Variants in AGBL1 observed in about 807,000 individuals in gnomAD.
AGBL1 encodes cytosolic carboxypeptidase 4.
In AGBL1, 130 loss-of-function variants were observed where a neutral mutation model predicts 118.9. The ratio of observed to expected loss-of-function variants is 1.09; its 90% CI spans 0.95 to 1.26. The LOEUF is 1.26. Ranked by LOEUF, AGBL1 falls within the 50% of genes most tolerant of loss-of-function variation. The probability of loss-of-function intolerance (pLI) is 0.00; values close to 1 mark genes in which losing one functional copy is unlikely to be tolerated. For synonymous variants in AGBL1, 555 were observed against 478.9 expected, an observed-to-expected ratio of 1.16 and a Z score of -2.08; for missense variants, 1,584 against 1,298.1, an observed-to-expected ratio of 1.22 and a Z score of -3.38.
chr15:86,389,088 A>T (rs2081239434), intron 17 of AGBL1, among the ~76,000 whole-genome samples: 1 of 152,220 alleles, frequency 6.6e-6, no homozygotes, highest in South Asian at 2.1e-4. Flanking sequence ...AAGAGAAGAA[A>T]ATACTTTATT....
intron 22 of AGBL1, among the ~76,000 whole-genome samples, chr15:86,688,198 G>A (rs2086097361): frequency 6.6e-6 from 1 of 152,024 alleles, no homozygotes; most frequent in Non-Finnish European, 1.5e-5. Flanking sequence ...GAGGAGGGAG[G>A]TCCTCTCTGA....
At chr15:86,320,327 C>T (rs2080086104) in intron 17 of AGBL1, among the ~76,000 whole-genome samples, 1 of 151,702 alleles carries the variant, frequency 6.6e-6, no homozygotes. Flanking sequence ...AAAGAGCTTG[C>T]TTTCACATCA....
At chr15:86,544,827 A>G (rs1406274201) in intron 19 of AGBL1, among the ~76,000 whole-genome samples, 4 of 152,216 alleles carry the variant, frequency 2.6e-5, no homozygotes, top group African/African-American at 7.2e-5. Flanking sequence ...TACTCTACCT[A>G]TTGATGAAGA....
At chr15:86,314,275 G>T (rs1340084467) in intron 17 of AGBL1, among the ~76,000 whole-genome samples, 1 of 152,184 alleles carries the variant, frequency 6.6e-6, no homozygotes, top group Non-Finnish European at 1.5e-5. Flanking sequence ...CCTAAACCAG[G>T]ATAGCCTGTT....
chr15:86,199,314 T>TTA (rs1047643034), intron 5 of AGBL1, among the ~76,000 whole-genome samples: 3 of 152,122 alleles, frequency 2.0e-5, no homozygotes, highest in South Asian at 2.1e-4. Flanking sequence ...ACATCTCATA[T>TTA]TATATATATA....
At chr15:86,349,175 G>A (rs982344252) in intron 17 of AGBL1, among the ~76,000 whole-genome samples, 1 of 152,144 alleles carries the variant, frequency 6.6e-6, no homozygotes, top group African/African-American at 2.4e-5. Flanking sequence ...AGGAAATATG[G>A]CCTGGTAACA....
chr15:86,562,895 T>C (rs2083849099), intron 21 of AGBL1, among the ~76,000 whole-genome samples: 1 of 152,202 alleles, frequency 6.6e-6, no homozygotes, highest in Non-Finnish European at 1.5e-5. Context: ...TCCAGGAGTT[T>C]ATCCATGTCT....
chr15:86,886,034 T>C (rs2079965165), intron 22 of AGBL1, among the ~76,000 whole-genome samples: 1 of 152,200 alleles, frequency 6.6e-6, no homozygotes, highest in African/African-American at 2.4e-5. Context: ...TTAAATAGCA[T>C]TGCTGATTTT....
At chr15:86,934,072 C>A (rs1341833154) in intron 23 of AGBL1, among the ~76,000 whole-genome samples, 3 of 152,212 alleles carry the variant, frequency 2.0e-5, no homozygotes, top group African/African-American at 7.2e-5. Context: ...AGAGCACTGG[C>A]TTCCTGCACT....
At chr15:86,827,471 A>T (rs565209055) in intron 22 of AGBL1, among the ~76,000 whole-genome samples, 1 of 10,910 alleles carries the variant, frequency 9.2e-5, no homozygotes, top group African/African-American at 4.4e-4. Flanking sequence ...ATATATATAC[A>T]TATATATATA....
At chr15:86,750,700 G>C (rs1049106700) in intron 22 of AGBL1, among the ~76,000 whole-genome samples, 1 of 151,996 alleles carries the variant, frequency 6.6e-6, no homozygotes, top group African/African-American at 2.4e-5. Context: ...AGGTAATTGT[G>C]TCATGGGCAT....
intron 22 of AGBL1, among the ~76,000 whole-genome samples, chr15:86,855,878 C>T (rs1268334158): frequency 2.6e-5 from 4 of 152,156 alleles, no homozygotes; most frequent in South Asian, 2.1e-4. Context: ...AGGGGTTCAT[C>T]GTGTCGTCTT....
intron 23 of AGBL1, among the ~76,000 whole-genome samples, chr15:86,935,988 T>C (rs985120844): frequency 4.6e-5 from 7 of 152,338 alleles, no homozygotes; most frequent in African/African-American, 1.7e-4. Context: ...GAGAGACTTG[T>C]CCTGTCCTCG....
intron 22 of AGBL1, among the ~76,000 whole-genome samples, chr15:86,893,048 C>A (rs1465718615): frequency 6.6e-6 from 1 of 152,154 alleles, no homozygotes; most frequent in Non-Finnish European, 1.5e-5. Flanking sequence ...GTGGGCAATG[C>A]TGCTAAATAC....
intron 7 of AGBL1, among the ~76,000 whole-genome samples, chr15:86,252,432 T>C (rs1027432292): frequency 2.6e-5 from 4 of 152,214 alleles, no homozygotes; most frequent in Non-Finnish European, 5.9e-5. Flanking sequence ...GAGCTCCTTC[T>C]TTGTGAAAGA....
chr15:86,138,511 G>A (rs1028323416), intron 1 of AGBL1: 1 of 152,206 alleles, frequency 6.6e-6, no homozygotes, highest in Non-Finnish European at 1.5e-5. Context: ...AGGTTGTGCT[G>A]TCATCCATTT....
chr15:86,798,935 T>A (rs2078611514), intron 22 of AGBL1, among the ~76,000 whole-genome samples: 1 of 151,986 alleles, frequency 6.6e-6, no homozygotes, highest in African/African-American at 2.4e-5. Flanking sequence ...GAAGCTGGTT[T>A]GCTTGGGCAG....
chr15:86,102,377 G>A (rs918975738), intron 1 of AGBL1, among the ~76,000 whole-genome samples: 10 of 152,098 alleles, frequency 6.6e-5, no homozygotes, highest in Admixed American at 4.6e-4. Flanking sequence ...TGCTCTGCCA[G>A]TGAGTTTTAT....
At chr15:86,473,741 T>C (rs1420278747) in intron 18 of AGBL1, among the ~76,000 whole-genome samples, 1 of 152,248 alleles carries the variant, frequency 6.6e-6, no homozygotes, top group African/African-American at 2.4e-5. Flanking sequence ...GGCATGACTA[T>C]GCTGTTTTTG....
Sources: allele counts gnomAD v4.1 joint callset (sites outside exome capture counted in the v4.1 genomes callset), GRCh38; gene constraint gnomAD v4.1.1; transcripts MANE v1.5; gene names NCBI Gene and HGNC (gene_info 2026-07-23, HGNC 2026-07-21).